ITSN2: variants seen among roughly 807,000 people sequenced by gnomAD.
ITSN2 encodes intersectin-2.
In ITSN2, 156 loss-of-function variants were observed where a neutral mutation model predicts 243.7. The ratio of observed to expected loss-of-function variants is 0.64; its 90% CI spans 0.56 to 0.73. The LOEUF is 0.73. Ranked by LOEUF, ITSN2 falls within the 30% of genes least tolerant of loss-of-function variation. The pLI is 0.00. For synonymous variants in ITSN2, 703 were observed against 699.9 expected, an observed-to-expected ratio of 1.00 and a Z score of -0.07; for missense variants, 1,801 against 1,996.1, an observed-to-expected ratio of 0.90 and a Z score of 1.86.
rs1441128105 is a variant in ITSN2, at chr2:24,308,609, C to T, written c.793+8G>A. ...TTTTCATGCTCTTCAGCACTGTATG[C>T]TGCTTACCTGAGAGATATCCACTCA... On this transcript the variant is annotated splice_region_variant and intron_variant, in intron 8 of 39. Transcript: ENST00000355123. 2 of 1,477,964 alleles carry T rather than the reference C, an allele frequency of 1.4e-6. No homozygotes were observed. Among genetic ancestry groups the T allele is most frequent in the Non-Finnish European group, 1.8e-6 (2 of 1,109,182 alleles). 91.6% of individuals were successfully genotyped at this position (1,477,964 alleles called of 1,614,324 possible).
rs766856525 is a variant in ITSN2 at position 24,261,188 on chromosome 2, A to C, written c.2600T>G (p.Leu867Arg). 1.9e-6 allele frequency: 3 copies of C among 1,613,324 alleles called. No homozygotes were observed. The highest frequency in any genetic ancestry group is 1.6e-4 in the Middle Eastern group (1 of 6,062). ...TTTCTGCCATGATGTATTTACAGTT[A>C]GGTTTGAAAAAGATACATTTTGATA... ...TDYQNVSFSN[L>R]TVNTSWQKKS... The change falls in exon 22 of 40, where the codon CTA becomes CGA. Residue 867 changes from leucine (L) to arginine (R), a missense_variant. By Grantham distance (102) the Leu-to-Arg change is moderately radical. This residue lies in a region of ITSN2 where 928 missense variants were observed against 1,065.4 expected (regional missense o/e 0.87). Transcript: ENST00000355123.
chr2:24,262,120 T>G (rs1310285788), intron 20 of ITSN2, among the ~76,000 whole-genome samples: 4 of 152,198 alleles, frequency 2.6e-5, no homozygotes, highest in Non-Finnish European at 4.4e-5. Context: ...TACTGCTTTT[T>G]CTTGAATTTT....
chr2:24,313,290 T>C (rs1185144758), intron 4 of ITSN2, among the ~76,000 whole-genome samples, 170 bp downstream of exon 4: 2 of 151,916 alleles, frequency 1.3e-5, no homozygotes, highest in African/African-American at 4.8e-5. Flanking sequence ...GTTCTCACTA[T>C]GTTGCCCAGC....
intron 22 of ITSN2, among the ~76,000 whole-genome samples, chr2:24,259,173 T>C (rs1197070814): frequency 6.6e-6 from 1 of 152,220 alleles, no homozygotes; most frequent in Non-Finnish European, 1.5e-5. Flanking sequence ...TCCTGCACTG[T>C]CTACCAAAGA....
chr2:24,349,564 A>G (rs1183771139), intron 1 of ITSN2, among the ~76,000 whole-genome samples: 2 of 152,092 alleles, frequency 1.3e-5, no homozygotes, highest in East Asian at 3.9e-4. Flanking sequence ...ACATACACAA[A>G]CCCTCATTCT....
chr2:24,263,043 A>C (rs1676114963), intron 20 of ITSN2, among the ~76,000 whole-genome samples: 1 of 152,140 alleles, frequency 6.6e-6, no homozygotes, highest in South Asian at 2.1e-4. Context: ...CTCATCCTTC[A>C]AGATTCTAAC....
chr2:24,207,260 G>T (rs1668990266), intron 37 of ITSN2, among the ~76,000 whole-genome samples: 1 of 152,144 alleles, frequency 6.6e-6, no homozygotes, highest in Non-Finnish European at 1.5e-5. Flanking sequence ...TGTGATACGG[G>T]GACAGGAAAG....
chr2:24,215,665 TAAA>T (rs59939223), intron 32 of ITSN2, among the ~76,000 whole-genome samples: 14 of 128,600 alleles, frequency 1.1e-4, no homozygotes, highest in African/African-American at 1.5e-4. Context: ...AGATTCTGTT[TAAA>T]AAAAAAAAAA....
At chr2:24,208,819 G>A (rs879735602) in intron 36 of ITSN2, among the ~76,000 whole-genome samples, 30 of 152,214 alleles carry the variant, frequency 2.0e-4, no homozygotes, top group Admixed American at 1.0e-3. Context: ...TCGCCTGCGG[G>A]CAGCCCCTGC....
chr2:24,291,613 C>A (rs1680267622), intron 15 of ITSN2, among the ~76,000 whole-genome samples: 1 of 151,926 alleles, frequency 6.6e-6, no homozygotes, highest in African/African-American at 2.4e-5. Flanking sequence ...CCTCAGCCTC[C>A]TGAGTAGCTG....
At chr2:24,245,617 T>C (rs1205415796) in intron 29 of ITSN2, among the ~76,000 whole-genome samples, 1 of 152,074 alleles carries the variant, frequency 6.6e-6, no homozygotes, top group African/African-American at 2.4e-5. Context: ...TAGCTGAAAC[T>C]ACAAGCACGT....
Position 24,204,713 on chromosome 2 carries a change from GAC to G in ITSN2, c.4763-297_4763-296del, listed in dbSNP as rs1263943215. 3 of 556,518 alleles carry G rather than the reference GAC, an allele frequency of 5.4e-6. No individual in the cohort carries two copies. The highest frequency in any genetic ancestry group is 2.2e-5 in the Admixed American group (1 of 45,442). 34.5% of individuals were successfully genotyped at this position (556,518 alleles called of 1,614,324 possible). On this transcript the variant is annotated intron_variant, in intron 38 of 39. Transcript: ENST00000355123. The surrounding 1 kb of genome is among the most constrained non-coding windows in gnomAD (Gnocchi z 5.1). ...ACCTGCTGCATGCTTCCTCGGCGCA[GAC>G]ACACTCGGGAAGGCGGGCACTGGCA... is the stretch of plus-strand genomic sequence containing the variant.
At chr2:24,305,751 T>C (rs1304239191) in intron 8 of ITSN2, among the ~76,000 whole-genome samples, 1 of 152,076 alleles carries the variant, frequency 6.6e-6, no homozygotes, top group African/African-American at 2.4e-5. Context: ...TACAGATATA[T>C]AGCTTTACCC....
intron 2 of ITSN2, among the ~76,000 whole-genome samples, chr2:24,315,791 C>T (rs1008891337): frequency 7.9e-5 from 12 of 152,182 alleles, no homozygotes; most frequent in Non-Finnish European, 1.3e-4. Context: ...CCTGCTGCCA[C>T]GTTAAGATGT....
intron 1 of ITSN2, among the ~76,000 whole-genome samples, chr2:24,344,320 A>C (rs533726874): frequency 1.3e-5 from 2 of 152,338 alleles, no homozygotes; most frequent in Admixed American, 1.3e-4. Flanking sequence ...TACTTCTAGA[A>C]GTAGAATTAA....
chr2:24,283,362 T>A (rs1240028573), intron 17 of ITSN2, among the ~76,000 whole-genome samples: 1 of 152,078 alleles, frequency 6.6e-6, no homozygotes, highest in Non-Finnish European at 1.5e-5. Flanking sequence ...GTAGCTGGGA[T>A]TACAGGCATC....
chr2:24,330,640 C>A, intron 1 of ITSN2: 1 of 745,846 alleles, frequency 1.3e-6, no homozygotes, highest in Non-Finnish European at 2.4e-6. Flanking sequence ...ACAGACGGGG[C>A]ACAGAAAGCT....
At chr2:24,238,072 T>C (rs1198814076) in intron 29 of ITSN2, among the ~76,000 whole-genome samples, 2 of 152,224 alleles carry the variant, frequency 1.3e-5, no homozygotes, top group African/African-American at 4.8e-5. Flanking sequence ...ATCTGGCTTA[T>C]TGCTACTTAT....
At chr2:24,299,256 T>C (rs1032168075) in intron 12 of ITSN2, among the ~76,000 whole-genome samples, 36 of 152,086 alleles carry the variant, frequency 2.4e-4, no homozygotes, top group African/African-American at 8.7e-4. Flanking sequence ...TGGAAGACCA[T>C]CCTTTTGTTA....
Sources: allele counts gnomAD v4.1 joint callset (sites outside exome capture counted in the v4.1 genomes callset), GRCh38; gene constraint gnomAD v4.1.1; regional missense constraint gnomAD v4.1.1; non-coding constraint Gnocchi (gnomAD v3.1); transcripts MANE v1.5; gene names NCBI Gene and HGNC (gene_info 2026-07-23, HGNC 2026-07-21).